Variants in VPS4B observed in about 807,000 individuals in gnomAD.
VPS4B encodes vacuolar protein sorting-associated protein 4B.
Under a neutral mutation model 56.1 loss-of-function variants are expected in VPS4B, and 23 were observed. The observed-to-expected ratio is 0.41, with a 90% CI of 0.30 to 0.58. The LOEUF (loss-of-function observed/expected upper bound fraction) is 0.58. VPS4B is among the 20% of genes least tolerant of loss of function. VPS4B has a pLI of 0.29. For synonymous variants in VPS4B, 177 were observed against 186.0 expected (o/e 0.95, Z 0.39); for missense variants, 372 against 531.9 (o/e 0.70, Z 2.96).
In VPS4B at chr18:63,389,686, T is replaced by A. The variant is rs1318997397; in HGVS notation, c.*1289A>T. The A allele has an allele frequency of 6.6e-6, 1 of 152,600 alleles. No individual in the cohort carries two copies. The highest frequency in any genetic ancestry group is 2.4e-5 in the African/African-American group (1 of 41,442). The allele number at this position is 152,600 out of a possible 1,614,324, so 9.5% of individuals were successfully genotyped here. A position where few individuals can be genotyped will look rare whatever the true frequency, so the allele number is the denominator to read the frequency against. ...CATAAAGCATTACACTGATAACATATGTGTGGTCAGGACAAACTGTTCCCT... is the reference window on the plus strand; with the variant it reads ...CATAAAGCATTACACTGATAACATAAGTGTGGTCAGGACAAACTGTTCCCT... On this transcript the variant is annotated 3_prime_UTR_variant, in exon 11 of 11. Transcript: ENST00000238497.
rs759248289 is a variant in VPS4B at position 63,393,529 on chromosome 18, A to G, written c.1113T>C (p.Ala371=). 3.1e-6 allele frequency: 5 copies of G among 1,595,720 alleles called. No individual in the cohort carries two copies. In the South Asian group the frequency reaches 3.4e-5, roughly 11 times the overall value. ...GATCATCTACAAGATGGTTAGGATC[A>G]GCTCGGGAAGGTCCGCGAACCTGAA... ...HFKKVRGPSR[A]DPNHLVDDLL... The change falls in exon 10 of 11, where the codon GCT becomes GCC. Residue 371 remains alanine, a synonymous_variant. Transcript: ENST00000238497.
chr18:63,400,680 T>A lies in VPS4B; in HGVS notation c.508A>T (p.Ile170Phe). The change falls in exon 6 of 11, where the codon ATC (isoleucine) becomes TTC (phenylalanine). Residue 170 changes from isoleucine to phenylalanine, a missense_variant. Physicochemically the swap from Ile to Phe is conservative, Grantham distance 21 (BLOSUM62 0). This residue lies in a region of VPS4B where 66 missense variants were observed against 150.7 expected (regional missense o/e 0.44). Transcript: ENST00000238497. ...GTTCCAGGCGGCCCAAATAATAGGATTCCCCTCCAAGGTGTTCTCTTGCCT... is the reference window on the plus strand; with the variant it reads ...GTTCCAGGCGGCCCAAATAATAGGAATCCCCTCCAAGGTGTTCTCTTGCCT... ...FTGKRTPWRG[I>F]LLFGPPGTGK... 9 of 1,603,180 alleles carry A rather than the reference T, an allele frequency of 5.6e-6. No homozygotes were observed. The highest frequency in any genetic ancestry group is 7.6e-6 in the Non-Finnish European group (9 of 1,177,714).
intron 9 of VPS4B, 45 bp from the exon 10 acceptor site, chr18:63,393,594 A>T: frequency 1.4e-5 from 21 of 1,495,476 alleles, no homozygotes; most frequent in Non-Finnish European, 1.9e-5. Context: ...AACAAAATTG[A>T]ACATTAAGAC....
intron 9 of VPS4B, 49 bp from the exon 10 acceptor site, chr18:63,393,598 T>C: frequency 1.4e-6 from 2 of 1,465,168 alleles, no homozygotes; most frequent in Non-Finnish European, 9.1e-7. Flanking sequence ...AAATTGAACA[T>C]TAAGACTTAA....
chr18:63,398,004 A>C (rs549620230), intron 8 of VPS4B, among the ~76,000 whole-genome samples: 3 of 152,296 alleles, frequency 2.0e-5, no homozygotes, highest in South Asian at 4.1e-4. Context: ...GAATGGGATA[A>C]AAGTGGCAAA....
intron 1 of VPS4B, among the ~76,000 whole-genome samples, chr18:63,420,106 G>C (rs1916260569): frequency 6.6e-6 from 1 of 152,168 alleles, no homozygotes; most frequent in Admixed American, 6.5e-5. Context: ...ATGTTGGTCA[G>C]TCTCTGGCTG....
intron 9 of VPS4B, among the ~76,000 whole-genome samples, chr18:63,394,627 G>A (rs1220189104): frequency 6.6e-6 from 1 of 151,978 alleles, no homozygotes; most frequent in Non-Finnish European, 1.5e-5. Flanking sequence ...CCCTGACGCC[G>A]AGCTAATTTT....
chr18:63,393,639 A>C, intron 9 of VPS4B, 90 bp from the exon 10 acceptor site: 1 of 1,241,212 alleles, frequency 8.1e-7, no homozygotes, highest in African/African-American at 1.6e-5. Flanking sequence ...AATGTATAAT[A>C]GTTTTGTATG....
At chr18:63,416,289 C>A in intron 1 of VPS4B, 1 of 207,184 alleles carries the variant, frequency 4.8e-6, no homozygotes, top group South Asian at 1.0e-4. Flanking sequence ...TGTAGCTCCT[C>A]CTGCAATAGG....
chr18:63,415,099 A>G (rs1916133196), intron 1 of VPS4B, among the ~76,000 whole-genome samples: 1 of 152,230 alleles, frequency 6.6e-6, no homozygotes, highest in Non-Finnish European at 1.5e-5. Flanking sequence ...ATGAATTAAG[A>G]GGATATGCAT....
intron 1 of VPS4B, chr18:63,415,993 T>C (rs1377144730): frequency 1.8e-5 from 4 of 216,394 alleles, no homozygotes; most frequent in Non-Finnish European, 3.9e-5. Context: ...TGTGATGTCC[T>C]TAATCTGCTT....
intron 4 of VPS4B, among the ~76,000 whole-genome samples, chr18:63,405,244 C>T (rs545810370): frequency 6.4e-4 from 97 of 152,062 alleles, no homozygotes; most frequent in South Asian, 5.2e-3. Flanking sequence ...TAAATTTATC[C>T]GGTCTTTGAC....
intron 1 of VPS4B, among the ~76,000 whole-genome samples, chr18:63,412,804 A>G (rs1454343758): frequency 3.3e-5 from 5 of 152,164 alleles, no homozygotes; most frequent in Non-Finnish European, 7.4e-5. Flanking sequence ...CAGGATCACA[A>G]GTCCACACCA....
intron 1 of VPS4B, among the ~76,000 whole-genome samples, chr18:63,414,419 T>A (rs529534778): frequency 6.6e-6 from 1 of 152,108 alleles, no homozygotes; most frequent in African/African-American, 2.4e-5. Flanking sequence ...TTAAGCCACA[T>A]AGCAGAAATA....
rs1333230646 is a variant in VPS4B at position 63,395,600 on chromosome 18, C to T, written c.1092+1434G>A. 2.0e-5 allele frequency among the ~76,000 whole-genome samples: 3 copies of T among 152,132 alleles called. 1 individual carries two copies. The highest frequency in any genetic ancestry group is 4.1e-4 in the South Asian group (2 of 4,830). On this transcript the variant is annotated intron_variant, in intron 9 of 10. Transcript: ENST00000238497. ...CTTATTATGGTACATGATAAATATA[C>T]GTATGTGACTTAGTCATATTAGTCT... is the stretch of plus-strand genomic sequence containing the variant.
chr18:63,396,830 A>T (rs899632207), intron 9 of VPS4B: 4 of 539,352 alleles, frequency 7.4e-6, no homozygotes, highest in Non-Finnish European at 1.3e-5. Context: ...CTCTACTAAA[A>T]ATACAAAAAA....
In VPS4B at chr18:63,410,334, C is replaced by G. The variant is rs775240653; in HGVS notation, c.252G>C (p.Gln84His). ...TCGGCTGTCCTTCTTTCACTGGCTT[C>G]TGTGCTTTTTTCTCTTTATTTTTCA... ...EYLKNKEKKA[Q>H]KPVKEGQPSP... is the part of the protein sequence containing the mutation. The change falls in exon 3 of 11, where the codon CAG becomes CAC. Residue 84 changes from glutamine (Q) to histidine (H), a missense_variant. Physicochemically the swap from Gln to His is conservative, Grantham distance 24 (BLOSUM62 0). This residue lies in a region of VPS4B where 153 missense variants were observed against 190.3 expected (regional missense o/e 0.80). Transcript: ENST00000238497. The G allele has an allele frequency of 3.7e-6, 6 of 1,613,316 alleles. No homozygotes were observed. The highest frequency in any genetic ancestry group is 2.2e-5 in the East Asian group (1 of 44,880).
intron 10 of VPS4B, among the ~76,000 whole-genome samples, chr18:63,392,707 CAA>C (rs1480870286): frequency 6.7e-6 from 1 of 149,684 alleles, no homozygotes; most frequent in Non-Finnish European, 1.5e-5. Flanking sequence ...CTCGGCCTCC[CAA>C]AGTGTTGGGA....
intron 4 of VPS4B, among the ~76,000 whole-genome samples, chr18:63,405,952 C>G (rs1915908695): frequency 6.6e-6 from 1 of 151,832 alleles, no homozygotes; most frequent in African/African-American, 2.4e-5. Context: ...CGCCACTGCA[C>G]TCCAGCCTGG....
Sources: allele counts gnomAD v4.1 joint callset (sites outside exome capture counted in the v4.1 genomes callset), GRCh38; gene constraint gnomAD v4.1.1; regional missense constraint gnomAD v4.1.1; transcripts MANE v1.5; gene names NCBI Gene and HGNC (gene_info 2026-07-23, HGNC 2026-07-21).